Variants in NIN observed in about 807,000 individuals in gnomAD.
NIN encodes glycogen synthase kinase 3 beta-interacting protein.
NIN carries 137 observed loss-of-function variants against 257.6 expected under a neutral mutation model. That is an observed-to-expected ratio of 0.53 (90% confidence interval 0.46 to 0.61). The LOEUF is 0.61. NIN is among the 20% of genes least tolerant of loss of function. The pLI is 0.00. For synonymous variants in NIN, 918 were observed against 919.8 expected (o/e 1.00, Z 0.04); for missense variants, 2,439 against 2,501.2 (o/e 0.98, Z 0.53).
At chr14:50,752,870 A>G (rs1269928742) in intron 20 of NIN, 137 bp from the exon 21 acceptor site, 1 of 520,202 alleles carries the variant, frequency 1.9e-6, no homozygotes, top group Non-Finnish European at 3.3e-6. Context: ...CAAAACAGAA[A>G]TAATACACAC....
chr14:50,827,756 CAAA>C (rs370926505), intron 2 of NIN, among the ~76,000 whole-genome samples: 124 of 107,116 alleles, frequency 1.2e-3, no homozygotes, highest in African/African-American at 4.6e-3. Context: ...GACTCCGTAT[CAAA>C]AAAAAAAAAA....
intron 29 of NIN, chr14:50,727,467 G>T: frequency 1.7e-6 from 2 of 1,184,014 alleles, no homozygotes; most frequent in Non-Finnish European, 2.1e-6. Context: ...TTTGTAACAA[G>T]CTGATGTTTG....
rs1184674181 is a variant in NIN at position 50,720,306 on chromosome 14, T to C, written c.*3157A>G. ...CTATCACAAAGCACTTAGCCTTGCC[T>C]TGACTGGAAATACCTTTAAGATGCT... On this transcript the variant is annotated 3_prime_UTR_variant, in exon 31 of 31. Transcript: ENST00000530997. The C allele has an allele frequency of 4.5e-6, 1 of 221,070 alleles. No homozygotes were observed. The highest frequency in any genetic ancestry group is 1.4e-3 in the Middle Eastern group (1 of 696). The allele number at this position is 221,070 out of a possible 1,614,324, so 13.7% of individuals were successfully genotyped here.
intron 2 of NIN, among the ~76,000 whole-genome samples, chr14:50,830,159 T>G (rs1428090831): frequency 6.6e-6 from 1 of 152,308 alleles, no homozygotes; most frequent in East Asian, 1.9e-4. Context: ...GGGCGGCACA[T>G]GCCAACGGAA....
intron 2 of NIN, among the ~76,000 whole-genome samples, chr14:50,826,860 C>T (rs544818665): frequency 5.9e-5 from 9 of 152,200 alleles, no homozygotes; most frequent in Non-Finnish European, 8.8e-5. Flanking sequence ...ATGCCCCTCT[C>T]GGCTCAGCTG....
rs758047432 is a variant in NIN, at chr14:50,723,477, G to A, written c.6388C>T (p.Pro2130Ser). 1.2e-6 allele frequency: 2 copies of A among 1,612,420 alleles called. No individual in the cohort carries two copies. The highest frequency in any genetic ancestry group is 1.7e-6 in the Non-Finnish European group (2 of 1,179,694). Residue 2130 changes from proline to serine, a missense_variant, in exon 31 of 31, where the codon CCT (proline) becomes TCT (serine). Coordinates refer to ENST00000530997, the MANE Select transcript of NIN (RefSeq NM_020921.4). ...LTPAPLTSTP[P>S]LRS ...CTTTGGTTTGGCTATGACCTCAAAG[G>A]AGGTGTAGAAGTCAATGGCGCTGGT...
intron 2 of NIN, 149 bp from the exon 3 acceptor site, chr14:50,822,226 C>T: frequency 1.6e-6 from 1 of 627,150 alleles, no homozygotes; most frequent in Non-Finnish European, 2.8e-6. Flanking sequence ...CACAGCAAGA[C>T]CCCCAGTCTC....
At chr14:50,825,094 A>G (rs1022132430) in intron 2 of NIN, among the ~76,000 whole-genome samples, 1 of 152,350 alleles carries the variant, frequency 6.6e-6, no homozygotes, top group Middle Eastern at 3.4e-3. Context: ...TTGTTCTGAG[A>G]GTTAAATGTG....
intron 2 of NIN, among the ~76,000 whole-genome samples, chr14:50,823,709 G>A (rs1206268223): frequency 6.6e-6 from 1 of 152,190 alleles, no homozygotes; most frequent in East Asian, 1.9e-4. Context: ...CACAATTTTG[G>A]TCCAGGTTCC....
intron 12 of NIN, among the ~76,000 whole-genome samples, chr14:50,767,644 C>T (rs906254988): frequency 1.5e-4 from 23 of 151,994 alleles, no homozygotes; most frequent in East Asian, 5.8e-4. Flanking sequence ...GGTGAAACCC[C>T]GTCTCTACTA....
Position 50,721,383 on chromosome 14 carries a change from CA to C in NIN, c.*2079del. On this transcript the variant is annotated 3_prime_UTR_variant, in exon 31 of 31. Transcript: ENST00000530997. ...CCTACACCTCTCATACTGTAAAAGA[CA>C]AAAATTAAAAATACAACAACCGTGA... is the stretch of plus-strand genomic sequence containing the variant. 4.7e-6 allele frequency: 1 copy of C among 212,174 alleles called. No individual in the cohort carries two copies. The highest frequency in any genetic ancestry group is 9.5e-6 in the Non-Finnish European group (1 of 104,820). 13.1% of individuals were successfully genotyped at this position (212,174 alleles called of 1,614,324 possible).
At chr14:50,749,168 C>G (rs1051397860) in intron 21 of NIN, among the ~76,000 whole-genome samples, 22 of 152,140 alleles carry the variant, frequency 1.4e-4, no homozygotes, top group Non-Finnish European at 1.3e-4. Context: ...ACATCTGCAA[C>G]CATCTGATCT....
At chr14:50,769,455 G>C (rs1029563706) in intron 12 of NIN, among the ~76,000 whole-genome samples, 1 of 151,638 alleles carries the variant, frequency 6.6e-6, no homozygotes, top group African/African-American at 2.4e-5. Flanking sequence ...TGAGGCCAGG[G>C]TTTGATACCA....
chr14:50,828,101 A>C (rs1160707156), intron 2 of NIN, among the ~76,000 whole-genome samples: 1 of 94,240 alleles, frequency 1.1e-5, no homozygotes, highest in East Asian at 2.5e-4. Context: ...CATGTTTGTT[A>C]CAAAAAAAAA....
intron 5 of NIN, among the ~76,000 whole-genome samples, chr14:50,782,609 G>T (rs1428340675): frequency 6.6e-6 from 1 of 152,186 alleles, no homozygotes; most frequent in Non-Finnish European, 1.5e-5. Context: ...TTGGTTGAAG[G>T]ACTATGGGAA....
chr14:50,804,907 G>T (rs1302761629), intron 4 of NIN, among the ~76,000 whole-genome samples: 1 of 152,226 alleles, frequency 6.6e-6, no homozygotes, highest in Non-Finnish European at 1.5e-5. Flanking sequence ...CAGCCCATGG[G>T]CCGTGGGTTG....
Position 50,792,657 on chromosome 14 carries a change from T to C in NIN, c.435+55A>G, listed in dbSNP as rs111286802. The C allele has an allele frequency of 2.8e-3, 4,446 of 1,599,884 alleles. 127 individuals are homozygous for C. The African/African-American group carries it at 0.054, about 19-fold the overall frequency. On this transcript the variant is annotated intron_variant, in intron 5 of 30. Coordinates refer to ENST00000530997, the MANE Select transcript of NIN (RefSeq NM_020921.4). ...CAGCTCCCCTGTCTCTGTGCTGCAC[T>C]GACGTGGGGCTCCACACTCATGATC...
intron 21 of NIN, among the ~76,000 whole-genome samples, chr14:50,751,227 T>C (rs2041775863): frequency 6.6e-6 from 1 of 152,210 alleles, no homozygotes; most frequent in Non-Finnish European, 1.5e-5. Flanking sequence ...AGTGCTGCAG[T>C]GAGTAACCCT....
chr14:50,830,373 A>T (rs1342520208), intron 2 of NIN, 91 bp downstream of exon 2: 2 of 165,964 alleles, frequency 1.2e-5, no homozygotes, highest in Non-Finnish European at 2.9e-5. Flanking sequence ...TGCGTCCTCA[A>T]CTCGCCTGCC....
Sources: allele counts gnomAD v4.1 joint callset (sites outside exome capture counted in the v4.1 genomes callset), GRCh38; gene constraint gnomAD v4.1.1; transcripts MANE v1.5; gene names NCBI Gene and HGNC (gene_info 2026-07-23, HGNC 2026-07-21).